HSPA9: variants seen among roughly 807,000 people sequenced by gnomAD.
The protein encoded by HSPA9 is stress-70 protein, mitochondrial.
In HSPA9, 28 loss-of-function variants were observed where a neutral mutation model predicts 81.5. That is an observed-to-expected ratio of 0.34 (90% CI 0.25 to 0.47). The LOEUF is 0.47. Among genes scored for constraint, HSPA9 ranks in the 20% least tolerant of loss-of-function variants. The pLI is 1.00. For synonymous variants in HSPA9, 293 were observed against 290.4 expected (o/e 1.01, Z -0.09); for missense variants, 678 against 838.0 (o/e 0.81, Z 2.36).
At chr5:138,573,244 G>A (rs187332953) in intron 3 of HSPA9, among the ~76,000 whole-genome samples, 2 of 152,012 alleles carry the variant, frequency 1.3e-5, no homozygotes, top group Non-Finnish European at 2.9e-5. Flanking sequence ...GGCCGGGCTG[G>A]TCTTGAACTT....
Position 138,555,339 on chromosome 5 carries a change from G to C in HSPA9, c.*698C>G, listed in dbSNP as rs1202405188. The C allele has an allele frequency of 6.6e-6, 1 of 151,728 alleles. No individual in the cohort carries two copies. Among genetic ancestry groups the C allele is most frequent in the Non-Finnish European group, 1.5e-5 (1 of 68,000 alleles). The allele number at this position is 151,728 out of a possible 1,614,324, so 9.4% of individuals were successfully genotyped here. On this transcript the variant is annotated 3_prime_UTR_variant, in exon 17 of 17. Transcript: ENST00000297185. ...TCACCCCTCACAAACAAGAGATCAA[G>C]ATGCTTTCTGTATTTATTTAAAAAA...
rs2127159000 is a variant in HSPA9, at chr5:138,567,699, T to C, written c.559A>G (p.Lys187Glu). 1.2e-6 allele frequency: 2 copies of C among 1,613,638 alleles called. No homozygotes were observed. Among genetic ancestry groups the C allele is most frequent in the Non-Finnish European group, 1.7e-6 (2 of 1,179,626 alleles). ...GCTGGGACTGTGATCACAGCATTTT[T>C]TGCTGTGTGCCCCAAGTAATTTTCT... is the stretch of plus-strand genomic sequence containing the variant. ...TAENYLGHTA[K>E]NAVITVPAYF... Residue 187 changes from lysine (K) to glutamate (E), a missense_variant, in exon 6 of 17, where the codon AAA (lysine) becomes GAA (glutamate). Lys to Glu is a moderately conservative substitution (Grantham distance 56). Coordinates refer to ENST00000297185, the MANE Select transcript of HSPA9 (RefSeq NM_004134.7).
chr5:138,570,646 C>G (rs1201655340), intron 4 of HSPA9, among the ~76,000 whole-genome samples: 1 of 152,074 alleles, frequency 6.6e-6, no homozygotes, highest in Non-Finnish European at 1.5e-5. Context: ...CCATCATGCA[C>G]AGCTAATTTT....
intron 4 of HSPA9, among the ~76,000 whole-genome samples, chr5:138,570,098 G>A (rs1295698760): frequency 4.6e-5 from 7 of 151,954 alleles, no homozygotes; most frequent in Middle Eastern, 6.8e-3. Context: ...GGCTGGTCTC[G>A]AACTCCTGAG....
intron 9 of HSPA9, among the ~76,000 whole-genome samples, chr5:138,563,617 A>C (rs947033362): frequency 6.6e-6 from 1 of 152,166 alleles, no homozygotes; most frequent in Admixed American, 6.5e-5. Context: ...TCGACACATG[A>C]CCATGTTACT....
chr5:138,570,576 C>G (rs1225672388), intron 4 of HSPA9, among the ~76,000 whole-genome samples: 1 of 152,124 alleles, frequency 6.6e-6, no homozygotes, highest in Non-Finnish European at 1.5e-5. Context: ...ACCACCGTCT[C>G]CCGGGTTCAA....
At chr5:138,573,584 T>C (rs971854058) in intron 3 of HSPA9, among the ~76,000 whole-genome samples, 179 bp downstream of exon 3, 4 of 131,012 alleles carry the variant, frequency 3.1e-5, no homozygotes, top group African/African-American at 5.8e-5. Flanking sequence ...GAGGCAGAGG[T>C]TGCAGTGAGC....
Position 138,561,682 on chromosome 5 carries a change from T to C in HSPA9, c.1080A>G (p.Arg360=). 6.2e-7 allele frequency: 1 copy of C among 1,614,182 alleles called. No homozygotes were observed. ...CTTTTTGGCATGGAGCGATAGTCCT[T>C]CTGATTAGATCAGTGACAATCCCTT... ...QFEGIVTDLI[R]RTIAPCQKAM... is the part of the protein sequence containing the mutation. Residue 360 remains arginine, a synonymous_variant, in exon 10 of 17, where the codon AGA becomes AGG. Coordinates refer to ENST00000297185, the MANE Select transcript of HSPA9 (RefSeq NM_004134.7).
In HSPA9 at chr5:138,568,906, G is replaced by A. The variant is rs1226216764; in HGVS notation, c.535+19C>T. 9 of 1,612,794 alleles carry A rather than the reference G, an allele frequency of 5.6e-6. No homozygotes were observed. The East Asian group carries it at 1.3e-4, about 24-fold the overall frequency. ...CATTGTTCTTAGAACTTTCCCAGAT[G>A]TGAACTAAACCCACTCACCTGCAGT... On this transcript the variant is annotated intron_variant, in intron 5 of 16. Transcript: ENST00000297185.
chr5:138,572,184 A>C (rs41295699), intron 3 of HSPA9, among the ~76,000 whole-genome samples: 3,941 of 151,900 alleles, frequency 0.026, 88 homozygotes, highest in Non-Finnish European at 0.044. Context: ...CCCACACTCA[A>C]GTGGCCTCCC....
At position 138,567,064 on chromosome 5, in the gene HSPA9, G is replaced by A; in HGVS notation, c.816C>T (p.Phe272=). 6.2e-7 allele frequency: 1 copy of A among 1,613,724 alleles called. No homozygotes were observed. Among genetic ancestry groups the A allele is most frequent in the African/African-American group, 1.3e-5 (1 of 74,958 alleles). The change falls in exon 8 of 17, where the codon TTC becomes TTT. Residue 272 remains phenylalanine, a synonymous_variant. Coordinates refer to ENST00000297185, the MANE Select transcript of HSPA9 (RefSeq NM_004134.7). ...CCTGGTCAAAGTCTTCCCCACCTAA[G>A]AAGGTATCCCCATTTGTGGATTTCA... ...FEVKSTNGDT[F]LGGEDFDQAL...
chr5:138,557,169 A>G, intron 14 of HSPA9: 1 of 612,462 alleles, frequency 1.6e-6, no homozygotes, highest in Non-Finnish European at 2.9e-6. Flanking sequence ...ACAACCTATG[A>G]CATGTCCAAA....
rs778164634 is a variant in HSPA9, at chr5:138,571,059, G to A, written c.311C>T (p.Pro104Leu). ...GTTGGTGACAGCCTGTCGCTTGGCC[G>A]GCATTCCAACAAGTCGCTCACCATC... Reference protein sequence around the residue: ...TADGERLVGMPAKRQAVTNPN... With the variant: ...TADGERLVGMLAKRQAVTNPN... Residue 104 changes from proline to leucine, a missense_variant, in exon 4 of 17, where the codon CCG becomes CTG. Pro to Leu is a moderately conservative substitution (Grantham distance 98). Coordinates refer to ENST00000297185, the MANE Select transcript of HSPA9 (RefSeq NM_004134.7). 1.4e-5 allele frequency: 22 copies of A among 1,614,134 alleles called. No homozygotes were observed. The highest frequency in any genetic ancestry group is 1.8e-5 in the Non-Finnish European group (21 of 1,180,030).
chr5:138,558,447 G>A (rs1048149079), intron 12 of HSPA9, 106 bp downstream of exon 12: 1 of 795,286 alleles, frequency 1.3e-6, no homozygotes, highest in Non-Finnish European at 2.2e-6. Flanking sequence ...AGACTACTCA[G>A]TATGTATGTG....
intron 11 of HSPA9, 82 bp from the exon 12 acceptor site, chr5:138,558,739 A>T: frequency 2.3e-6 from 2 of 861,172 alleles, no homozygotes; most frequent in Non-Finnish European, 2.0e-6. Flanking sequence ...CCAAAGGTTT[A>T]CATTCCAAGA....
At chr5:138,559,350 G>A (rs985645155) in intron 11 of HSPA9, among the ~76,000 whole-genome samples, 4 of 152,014 alleles carry the variant, frequency 2.6e-5, no homozygotes, top group African/African-American at 4.8e-5. Context: ...TAATCCTCTC[G>A]CCACAGCCTC....
chr5:138,571,901 A>T (rs1750909268), intron 3 of HSPA9, among the ~76,000 whole-genome samples: 1 of 144,266 alleles, frequency 6.9e-6, no homozygotes, highest in Non-Finnish European at 1.5e-5. Context: ...ACCTCAGGCG[A>T]TCCGCCCACC....
intron 10 of HSPA9, chr5:138,560,705 C>G (rs554887625): frequency 1.3e-5 from 3 of 238,940 alleles, no homozygotes; most frequent in Non-Finnish European, 2.6e-5. Flanking sequence ...GGACTACAGG[C>G]GCCCACCAAA....
chr5:138,554,412 A>T lies in HSPA9; in HGVS notation c.*1625T>A, dbSNP rs10063809. ...TAAAAGTTATTTTCCAACACACCAT[A>T]TAACAATCCTTCATAATCCTACAAT... is the stretch of plus-strand genomic sequence containing the variant. On this transcript the variant is annotated 3_prime_UTR_variant, in exon 17 of 17. Transcript: ENST00000297185. Among the ~76,000 whole-genome samples, 1 of 152,212 alleles carries T rather than the reference A, an allele frequency of 6.6e-6. No homozygotes were observed.
Sources: allele counts gnomAD v4.1 joint callset (sites outside exome capture counted in the v4.1 genomes callset), GRCh38; gene constraint gnomAD v4.1.1; transcripts MANE v1.5; gene names NCBI Gene and HGNC (gene_info 2026-07-23, HGNC 2026-07-21).